The following COMMD1 variants were observed in gnomAD, a reference collection of about 807,000 sequenced individuals.
COMMD1 encodes the protein copper metabolism domain containing 1.
COMMD1 carries 10 observed loss-of-function variants against 17.2 expected under a neutral mutation model. The observed-to-expected ratio is 0.58, with a 90% CI of 0.36 to 0.99. The LOEUF is 0.99. Among genes scored for constraint, COMMD1 ranks in the 50% least tolerant of loss-of-function variants. COMMD1 has a pLI of 0.01. For synonymous variants in COMMD1, 97 were observed against 91.6 expected, an observed-to-expected ratio of 1.06 and a Z score of -0.34; for missense variants, 270 against 231.8, an observed-to-expected ratio of 1.17 and a Z score of -1.07.
intron 1 of COMMD1, among the ~76,000 whole-genome samples, chr2:61,933,856 C>T (rs145385051): frequency 0.011 from 1,681 of 152,018 alleles, 32 homozygotes; most frequent in African/African-American, 0.038. Context: ...TTCCACCTCC[C>T]GGGTTCAAGT....
At chr2:62,018,973 G>A (rs1573077038) in intron 2 of COMMD1, among the ~76,000 whole-genome samples, 1 of 151,396 alleles carries the variant, frequency 6.6e-6, no homozygotes, top group Non-Finnish European at 1.5e-5. Flanking sequence ...GTCCTCACAT[G>A]GTAGAAGAAT....
intron 2 of COMMD1, among the ~76,000 whole-genome samples, chr2:62,035,929 C>G (rs907976009): frequency 6.6e-6 from 1 of 151,796 alleles, no homozygotes; most frequent in Non-Finnish European, 1.5e-5. Context: ...TGGCATGTGC[C>G]TGTAGTCCCA....
At chr2:62,042,521 T>G (rs1278201850) in intron 2 of COMMD1, among the ~76,000 whole-genome samples, 3 of 152,114 alleles carry the variant, frequency 2.0e-5, no homozygotes, top group African/African-American at 7.2e-5. Flanking sequence ...TGGCGGGCCG[T>G]GCCGAGTGCA....
intron 2 of COMMD1, among the ~76,000 whole-genome samples, chr2:62,016,678 C>T (rs904996650): frequency 6.6e-6 from 1 of 152,074 alleles, no homozygotes; most frequent in Non-Finnish European, 1.5e-5. Flanking sequence ...TTTCACTCCC[C>T]TCCAGATCAT....
At chr2:61,908,600 G>A (rs1463679176) in intron 1 of COMMD1, among the ~76,000 whole-genome samples, 1 of 151,384 alleles carries the variant, frequency 6.6e-6, no homozygotes, top group Non-Finnish European at 1.5e-5. Flanking sequence ...TCGCTTTGTT[G>A]CCCAGGCCAG....
At chr2:61,919,071 GTGTGATCTCGGCTCACCGAAGACTC>G in intron 1 of COMMD1, among the ~76,000 whole-genome samples, 1 of 152,230 alleles carries the variant, frequency 6.6e-6, no homozygotes, top group South Asian at 2.1e-4. Flanking sequence ...GAGTGCAATG[GTGTGATCTCGGCTCACCGAAGACTC>G]TGCCTCTCAG....
At chr2:62,123,215 A>G (rs1324771551) in intron 2 of COMMD1, among the ~76,000 whole-genome samples, 1 of 152,152 alleles carries the variant, frequency 6.6e-6, no homozygotes, top group Admixed American at 6.5e-5. Context: ...TTTTAAAAAG[A>G]AAGGCATGGG....
chr2:62,028,580 A>G (rs1349824308), intron 2 of COMMD1, among the ~76,000 whole-genome samples: 1 of 152,164 alleles, frequency 6.6e-6, no homozygotes, highest in East Asian at 1.9e-4. Flanking sequence ...CTCCAAAAAA[A>G]AGGAAAATAA....
At chr2:62,132,649 A>C (rs887704486) in intron 2 of COMMD1, among the ~76,000 whole-genome samples, 1 of 152,156 alleles carries the variant, frequency 6.6e-6, no homozygotes, top group Non-Finnish European at 1.5e-5. Flanking sequence ...GTTCGAGACC[A>C]GCCTGGCCAA....
At chr2:62,090,891 G>A (rs556478776) in intron 2 of COMMD1, 1 of 152,292 alleles carries the variant, frequency 6.6e-6, no homozygotes, top group East Asian at 1.9e-4. Flanking sequence ...GTTTATAATA[G>A]TCCCAATGCC....
chr2:62,117,006 A>G (rs1672627599), intron 2 of COMMD1, among the ~76,000 whole-genome samples: 1 of 152,004 alleles, frequency 6.6e-6, no homozygotes, highest in South Asian at 2.1e-4. Flanking sequence ...CAAAAAAAAA[A>G]AAAAAAAAAT....
chr2:62,000,366 G>A (rs1250407270), intron 1 of COMMD1, among the ~76,000 whole-genome samples: 9 of 150,842 alleles, frequency 6.0e-5, no homozygotes. Flanking sequence ...CCTGCCTCCC[G>A]GTTGAAGCGA....
At chr2:61,970,702 A>G (rs946808155) in intron 1 of COMMD1, among the ~76,000 whole-genome samples, 2 of 152,214 alleles carry the variant, frequency 1.3e-5, no homozygotes, top group South Asian at 2.1e-4. Context: ...CATGATAAAG[A>G]ATATTTCCTA....
chr2:61,923,510 G>A (rs1206441008), intron 1 of COMMD1, among the ~76,000 whole-genome samples: 1 of 151,956 alleles, frequency 6.6e-6, no homozygotes, highest in Non-Finnish European at 1.5e-5. Flanking sequence ...TTTTAAGTTA[G>A]GAGTAGGAAA....
At chr2:62,114,109 A>T (rs972636848) in intron 2 of COMMD1, among the ~76,000 whole-genome samples, 2 of 152,184 alleles carry the variant, frequency 1.3e-5, no homozygotes, top group Admixed American at 6.5e-5. Flanking sequence ...TTGAAGTTCT[A>T]ATTGACAGAA....
chr2:62,088,875 G>A (rs1444177075), intron 2 of COMMD1, among the ~76,000 whole-genome samples: 3 of 152,216 alleles, frequency 2.0e-5, no homozygotes, highest in African/African-American at 7.2e-5. Flanking sequence ...GGAGGCATGA[G>A]ACTTAATCAA....
intron 1 of COMMD1, among the ~76,000 whole-genome samples, chr2:61,916,910 G>A (rs1321457342): frequency 6.6e-6 from 1 of 152,108 alleles, no homozygotes; most frequent in Non-Finnish European, 1.5e-5. Context: ...GAAGTTAAAT[G>A]CCTTCATTTA....
At chr2:61,941,356 A>C (rs1670743666) in intron 1 of COMMD1, among the ~76,000 whole-genome samples, 1 of 152,198 alleles carries the variant, frequency 6.6e-6, no homozygotes, top group South Asian at 2.1e-4. Flanking sequence ...AGCATGTGTA[A>C]GACCATGAGG....
intron 1 of COMMD1, among the ~76,000 whole-genome samples, chr2:61,940,578 A>G (rs1015607807): frequency 1.3e-5 from 2 of 152,192 alleles, no homozygotes; most frequent in Non-Finnish European, 2.9e-5. Flanking sequence ...GCATTGCCCC[A>G]GAAAATGTCA....
Sources: gnomAD v4.1 joint callset for allele counts (sites outside exome capture counted in the v4.1 genomes callset) on GRCh38, gnomAD v4.1.1 for gene constraint, MANE v1.5 for transcripts, NCBI Gene and HGNC (gene_info 2026-07-23, HGNC 2026-07-21) for gene names.